Variants in AHCYL1 observed in about 807,000 individuals in gnomAD.
The protein encoded by AHCYL1 is adenosylhomocysteinase like 1.
Under a neutral mutation model 79.3 loss-of-function variants are expected in AHCYL1, and 20 were observed. The ratio of observed to expected loss-of-function variants is 0.25; its 90% CI spans 0.18 to 0.37. AHCYL1 has a LOEUF of 0.37. Ranked by LOEUF, AHCYL1 falls within the 10% of genes least tolerant of loss-of-function variation. The pLI is 1.00. For missense variants in AHCYL1, 330 were observed against 673.6 expected (o/e 0.49, Z 5.65); for synonymous variants, 223 against 242.2 (o/e 0.92, Z 0.74).
intron 1 of AHCYL1, among the ~76,000 whole-genome samples, chr1:109,989,132 A>G (rs1401159454): frequency 1.3e-5 from 2 of 152,112 alleles, no homozygotes; most frequent in East Asian, 3.9e-4. Context: ...TCTTTTTAAG[A>G]TTTCTCCGCA....
Position 110,021,911 on chromosome 1 carries a change from A to AT in AHCYL1, c.*235dup. The AT allele has an allele frequency of 2.1e-6, 1 of 483,686 alleles. No homozygotes were observed. Among genetic ancestry groups the AT allele is most frequent in the Non-Finnish European group, 3.6e-6 (1 of 276,832 alleles). 30.0% of individuals were successfully genotyped at this position (483,686 alleles called of 1,614,324 possible). A position where few individuals can be genotyped will look rare whatever the true frequency, so the allele number is the denominator to read the frequency against. On this transcript the variant is annotated 3_prime_UTR_variant, in exon 17 of 17. Coordinates refer to ENST00000369799, the MANE Select transcript of AHCYL1 (RefSeq NM_006621.7). Reference sequence around the variant, plus strand: ...TCCTCACTCTAGTCACTAAAGAAGGATTTTACTCTCCCAGCCCAGAAAGGT... The same window carrying AT: ...TCCTCACTCTAGTCACTAAAGAAGGATTTTTACTCTCCCAGCCCAGAAAGGT...
intron 2 of AHCYL1, among the ~76,000 whole-genome samples, chr1:110,009,561 G>A (rs1048127725): frequency 1.3e-5 from 2 of 152,206 alleles, no homozygotes; most frequent in Admixed American, 6.5e-5. Context: ...CTCCAAGACT[G>A]CTTAGATTGT....
chr1:110,020,423 G>C (rs1051629223), intron 15 of AHCYL1, among the ~76,000 whole-genome samples: 8 of 152,132 alleles, frequency 5.3e-5, no homozygotes, highest in Admixed American at 4.6e-4. Flanking sequence ...TGTGACATGT[G>C]GGCCACTGCA....
Position 109,984,880 on chromosome 1 carries a change from G to C in AHCYL1, c.-173G>C, listed in dbSNP as rs1649377761. 3 of 1,101,224 alleles carry C rather than the reference G, an allele frequency of 2.7e-6. No homozygotes were observed. In the South Asian group the frequency reaches 8.5e-5, roughly 31 times the overall value. The allele number at this position is 1,101,224 out of a possible 1,614,324, so 68.2% of individuals were successfully genotyped here. On this transcript the variant is annotated 5_prime_UTR_variant, in exon 1 of 17. Transcript: ENST00000369799. Reference sequence around the variant, plus strand: ...CGCTGTCCGGCTGCCTTGGGCTGCCGAACAGACAAGGCGTGGGCCACAGCA... The same window carrying C: ...CGCTGTCCGGCTGCCTTGGGCTGCCCAACAGACAAGGCGTGGGCCACAGCA...
chr1:110,019,471 T>C, intron 14 of AHCYL1, 77 bp from the exon 15 acceptor site: 1 of 1,321,128 alleles, frequency 7.6e-7, no homozygotes, highest in South Asian at 1.3e-5. Context: ...ACCCAAATGC[T>C]GTTTAACCTG....
intron 1 of AHCYL1, among the ~76,000 whole-genome samples, chr1:109,999,144 ACT>A (rs1027874470): frequency 6.0e-5 from 9 of 150,756 alleles, no homozygotes; most frequent in African/African-American, 2.2e-4. Flanking sequence ...TGACAGTGAG[ACT>A]CTGTCTCTTT....
At chr1:110,020,094 G>A (rs1018158000) in intron 15 of AHCYL1, among the ~76,000 whole-genome samples, 17 of 152,106 alleles carry the variant, frequency 1.1e-4, no homozygotes, top group South Asian at 8.3e-4. Context: ...CTTTCTGCAC[G>A]GTGTACCCAT....
Position 110,020,986 on chromosome 1 carries a change from G to A in AHCYL1, c.1586+135G>A, listed in dbSNP as rs138456104. 4.9e-3 allele frequency: 6,472 copies of A among 1,320,390 alleles called. 29 individuals are homozygous for A. The highest frequency in any genetic ancestry group is 0.016 in the African/African-American group (1,073 of 66,008). The allele number at this position is 1,320,390 out of a possible 1,614,324, so 81.8% of individuals were successfully genotyped here. A position where few individuals can be genotyped will look rare whatever the true frequency, so the allele number is the denominator to read the frequency against. On this transcript the variant is annotated intron_variant, in intron 16 of 16. Coordinates refer to ENST00000369799, the MANE Select transcript of AHCYL1 (RefSeq NM_006621.7). ...AAGAAATCTGTTCCAGGCCAGGCACGGTGGCTCACGCCTGTAATCCCAGCA... is the reference window on the plus strand; with the variant it reads ...AAGAAATCTGTTCCAGGCCAGGCACAGTGGCTCACGCCTGTAATCCCAGCA...
At chr1:109,995,174 C>G (rs1249912251) in intron 1 of AHCYL1, among the ~76,000 whole-genome samples, 1 of 152,108 alleles carries the variant, frequency 6.6e-6, no homozygotes, top group Non-Finnish European at 1.5e-5. Context: ...AAGGAGAACA[C>G]CTGTGTTAAG....
chr1:110,014,246 TTAA>T (rs1219312328), intron 5 of AHCYL1, among the ~76,000 whole-genome samples: 2 of 152,252 alleles, frequency 1.3e-5, no homozygotes, highest in East Asian at 3.8e-4. Flanking sequence ...GAGTATTTGA[TTAA>T]TGTTTTTCCT....
chr1:110,021,634 G>A, intron 16 of AHCYL1, 40 bp from the exon 17 acceptor site: 1 of 1,604,034 alleles, frequency 6.2e-7, no homozygotes, highest in South Asian at 1.1e-5. Context: ...TTCTCATATG[G>A]AAGACATAAG....
In AHCYL1 at chr1:110,022,526, A is replaced by C. The variant is rs1455798940; in HGVS notation, c.*846A>C. 6.6e-6 allele frequency: 1 copy of C among 152,610 alleles called. No homozygotes were observed. The highest frequency in any genetic ancestry group is 6.5e-5 in the Admixed American group (1 of 15,274). The allele number at this position is 152,610 out of a possible 1,614,324, so 9.5% of individuals were successfully genotyped here. A position where few individuals can be genotyped will look rare whatever the true frequency, so the allele number is the denominator to read the frequency against. On this transcript the variant is annotated 3_prime_UTR_variant, in exon 17 of 17. Coordinates refer to ENST00000369799, the MANE Select transcript of AHCYL1 (RefSeq NM_006621.7). ...AGAAATGCTAGTCTCAAGCCCTGTT[A>C]AGTCCCTCTGTTTCTAGCCCGTAGT...
chr1:110,002,254 C>T (rs1650356719), intron 1 of AHCYL1, among the ~76,000 whole-genome samples: 1 of 152,174 alleles, frequency 6.6e-6, no homozygotes, highest in Admixed American at 6.5e-5. Context: ...ATACTACTCC[C>T]TTCTAAAAGA....
intron 5 of AHCYL1, 95 bp downstream of exon 5, chr1:110,013,094 G>A: frequency 1.2e-6 from 1 of 852,160 alleles, no homozygotes; most frequent in Non-Finnish European, 1.7e-6. Flanking sequence ...TATCATATAT[G>A]TCTAGAGGCT....
chr1:110,001,057 G>C, intron 1 of AHCYL1: 3 of 661,040 alleles, frequency 4.5e-6, no homozygotes, highest in Non-Finnish European at 5.6e-6. Context: ...GCTATCAGGT[G>C]GTGTTACCAG....
At chr1:110,014,314 A>AATACAAT (rs1218499439) in intron 5 of AHCYL1, among the ~76,000 whole-genome samples, 32 of 152,150 alleles carry the variant, frequency 2.1e-4, no homozygotes, top group Admixed American at 3.3e-4. Flanking sequence ...TTATAACCTA[A>AATACAAT]ATACAATATT....
At chr1:110,011,135 G>C (rs576613696) in intron 2 of AHCYL1, 79 bp from the exon 3 acceptor site, 18 of 1,531,948 alleles carry the variant, frequency 1.2e-5, no homozygotes, top group Non-Finnish European at 1.6e-5. Flanking sequence ...TTAAATGAAA[G>C]TCCCTTGGGG....
At chr1:110,010,369 G>A (rs145640350) in intron 2 of AHCYL1, among the ~76,000 whole-genome samples, 17 of 152,202 alleles carry the variant, frequency 1.1e-4, no homozygotes, top group Admixed American at 9.2e-4. Context: ...AGCAGAAACC[G>A]TGATGAGGAA....
chr1:110,004,257 C>T, intron 1 of AHCYL1: 2 of 985,484 alleles, frequency 2.0e-6, no homozygotes, highest in East Asian at 2.3e-4. Context: ...CCCTCTCCCC[C>T]AAGAAACTCA....
Sources: allele counts gnomAD v4.1 joint callset (sites outside exome capture counted in the v4.1 genomes callset), GRCh38; gene constraint gnomAD v4.1.1; transcripts MANE v1.5; gene names NCBI Gene and HGNC (gene_info 2026-07-23, HGNC 2026-07-21).